The following FKBP1B variants were observed in gnomAD, a reference collection of about 807,000 sequenced individuals.
FKBP1B encodes the protein peptidyl-prolyl cis-trans isomerase FKBP1B.
A neutral mutation model predicts 13.5 loss-of-function variants in FKBP1B; 4 were observed. The ratio of observed to expected loss-of-function variants is 0.30; its 90% CI spans 0.15 to 0.68. FKBP1B has a LOEUF of 0.68. Ranked by LOEUF, FKBP1B falls within the 30% of genes least tolerant of loss-of-function variation. The pLI, the probability that FKBP1B is intolerant of heterozygous loss-of-function variation, is 0.76. For synonymous variants in FKBP1B, 54 were observed against 53.6 expected (o/e 1.01, Z -0.03); for missense variants, 93 against 136.2 (o/e 0.68, Z 1.58).
At chr2:24,041,456 T>C in the FKBP1B span, among the ~76,000 whole-genome samples, 16 of 152,234 alleles carry the variant, frequency 1.1e-4, no homozygotes, top group African/African-American at 3.9e-4. Context: ...GTTTAGCCTC[T>C]GAAAATGTTA....
At chr2:24,043,330 G>A in the FKBP1B span, among the ~76,000 whole-genome samples, 397 of 151,894 alleles carry the variant, frequency 2.6e-3, no homozygotes, top group African/African-American at 9.2e-3. Context: ...AGTGAGACTC[G>A]GTCTCAAAAA....
At position 24,060,906 on chromosome 2, in the gene FKBP1B, T is replaced by A. The variant is rs145454722; in HGVS notation, c.178T>A (p.Phe60Ile). ...RIGKQEVIKG[F>I]EEGAAQMSLG... ...TGGCAAACAGGAAGTCATCAAAGGTTTTGAAGAGGGTGCAGCCCAGGTAGG... is the reference window on the plus strand; with the variant it reads ...TGGCAAACAGGAAGTCATCAAAGGTATTGAAGAGGGTGCAGCCCAGGTAGG... Residue 60 changes from phenylalanine (F) to isoleucine (I), a missense_variant, in exon 3 of 4, where the codon TTT becomes ATT. By Grantham distance (21) the Phe-to-Ile change is conservative. Coordinates refer to ENST00000380986, the MANE Select transcript of FKBP1B (RefSeq NM_004116.5). The A allele has an allele frequency of 1.2e-6, 2 of 1,613,928 alleles. No homozygotes were observed. The highest frequency in any genetic ancestry group is 2.7e-5 in the African/African-American group (2 of 74,904).
At chr2:24,047,491 C>G (rs528445829), upstream of FKBP1B, 29 of 152,270 alleles carry the variant, frequency 1.9e-4, no homozygotes, top group African/African-American at 6.5e-4. Context: ...TAGGCACGCT[C>G]CGAGATGGCC....
At chr2:24,045,797 ACCC>A (rs1164919770), upstream of FKBP1B, 3 of 151,764 alleles carry the variant, frequency 2.0e-5, no homozygotes, top group Admixed American at 6.6e-5. Flanking sequence ...ACACAGGGAG[ACCC>A]CAATTCTACA....
At chr2:24,058,085 T>C (rs1231618889) in intron 2 of FKBP1B, among the ~76,000 whole-genome samples, 3 of 151,670 alleles carry the variant, frequency 2.0e-5, no homozygotes, top group African/African-American at 7.3e-5. Flanking sequence ...TAATCCCAGC[T>C]ACTCGGGAGG....
intron 2 of FKBP1B, among the ~76,000 whole-genome samples, chr2:24,055,573 T>C (rs1573687751): frequency 1.3e-5 from 2 of 152,210 alleles, no homozygotes; most frequent in Admixed American, 6.5e-5. Flanking sequence ...TTCATCTTAA[T>C]GGAACCACAG....
At chr2:24,055,916 C>T (rs1210270471) in intron 2 of FKBP1B, among the ~76,000 whole-genome samples, 1 of 152,228 alleles carries the variant, frequency 6.6e-6, no homozygotes, top group East Asian at 1.9e-4. Flanking sequence ...CCAGTTTCCA[C>T]TCTAGGCAGC....
chr2:24,035,048 A>G, the FKBP1B span, among the ~76,000 whole-genome samples: 2 of 151,694 alleles, frequency 1.3e-5, no homozygotes, highest in African/African-American at 4.8e-5. Flanking sequence ...ATGTACAGAA[A>G]AAATATGGAA....
At chr2:24,062,060 C>T (rs1248227249) in intron 3 of FKBP1B, among the ~76,000 whole-genome samples, 1 of 152,028 alleles carries the variant, frequency 6.6e-6, no homozygotes, top group Non-Finnish European at 1.5e-5. Context: ...TTAGTAGAGA[C>T]GGGGTTTCAC....
At chr2:24,059,188 GACTGCCGGGAGCAGTCGTGGA>G (rs1664267742) in intron 2 of FKBP1B, among the ~76,000 whole-genome samples, 1 of 152,218 alleles carries the variant, frequency 6.6e-6, no homozygotes, top group African/African-American at 2.4e-5. Context: ...GTGGTCCAGG[GACTGCCGGGAGCAGTCGTGGA>G]ACTGCATCAT....
chr2:24,058,003 C>A (rs924471645), intron 2 of FKBP1B, among the ~76,000 whole-genome samples: 1 of 151,950 alleles, frequency 6.6e-6, no homozygotes, highest in African/African-American at 2.4e-5. Context: ...TCGAGACCAG[C>A]CTTGCCAACA....
the FKBP1B span, chr2:24,038,461 A>C: frequency 1.9e-6 from 3 of 1,614,250 alleles, no homozygotes; most frequent in Non-Finnish European, 1.7e-6. Flanking sequence ...ATTAAATGCT[A>C]TCAGATCAGG....
chr2:24,036,259 A>G, the FKBP1B span, among the ~76,000 whole-genome samples: 2 of 150,512 alleles, frequency 1.3e-5, no homozygotes, highest in Non-Finnish European at 3.0e-5. Flanking sequence ...TAATCCCAGC[A>G]CTTTGGGAGG....
At chr2:24,036,463 TA>T in the FKBP1B span, among the ~76,000 whole-genome samples, 23,340 of 152,212 alleles carry the variant, frequency 0.15, 2,051 homozygotes, top group South Asian at 0.2. Context: ...GACAGCCTTA[TA>T]CATAGCTGGC....
intron 2 of FKBP1B, among the ~76,000 whole-genome samples, chr2:24,055,922 G>A (rs1664102459): frequency 6.6e-6 from 1 of 152,180 alleles, no homozygotes; most frequent in Non-Finnish European, 1.5e-5. Flanking sequence ...TCCACTCTAG[G>A]CAGCTGTGTA....
At chr2:24,053,168 G>A (rs979787718) in intron 1 of FKBP1B, among the ~76,000 whole-genome samples, 7 of 151,842 alleles carry the variant, frequency 4.6e-5, no homozygotes, top group Non-Finnish European at 1.0e-4. Flanking sequence ...GTAGAGTGCA[G>A]TAGCATGAAC....
At chr2:24,060,186 T>A (rs1664320638) in intron 2 of FKBP1B, among the ~76,000 whole-genome samples, 1 of 151,714 alleles carries the variant, frequency 6.6e-6, no homozygotes, top group Admixed American at 6.6e-5. Flanking sequence ...TAAAAGAGGA[T>A]CAAAAAGACC....
the FKBP1B span, among the ~76,000 whole-genome samples, chr2:24,037,008 A>C: frequency 1.3e-5 from 2 of 152,258 alleles, no homozygotes; most frequent in Non-Finnish European, 2.9e-5. Flanking sequence ...AAATGCATCA[A>C]AACATTTTAA....
intron 2 of FKBP1B, chr2:24,054,257 G>C: frequency 1.8e-6 from 1 of 553,888 alleles, no homozygotes; most frequent in Non-Finnish European, 3.4e-6. Context: ...TGTCCCTGCT[G>C]GGTCTGTCTG....
Sources: allele counts gnomAD v4.1 joint callset (sites outside exome capture counted in the v4.1 genomes callset), GRCh38; gene constraint gnomAD v4.1.1; transcripts MANE v1.5; gene names NCBI Gene and HGNC (gene_info 2026-07-23, HGNC 2026-07-21).